Variants in FBN1 observed in about 807,000 individuals in gnomAD.
FBN1 encodes fibrillin 1.
A neutral mutation model predicts 365.1 loss-of-function variants in FBN1; 29 were observed. The ratio of observed to expected loss-of-function variants is 0.08; its 90% confidence interval spans 0.06 to 0.11. FBN1 has a LOEUF of 0.11. Ranked by LOEUF, FBN1 falls within the 10% of genes least tolerant of loss-of-function variation. The probability of loss-of-function intolerance (pLI) is 1.00; values close to 1 mark genes in which losing one functional copy is unlikely to be tolerated. For synonymous variants in FBN1, 1,210 were observed against 1,270.5 expected (o/e 0.95, Z 1.01); for missense variants, 2,476 against 3,703.2 (o/e 0.67, Z 8.60).
intron 2 of FBN1, chr15:48,644,149 A>T (rs1270334297): frequency 5.7e-6 from 1 of 175,232 alleles, no homozygotes; most frequent in African/African-American, 2.4e-5. Context: ...GGAAGAGTCA[A>T]CTACTGTGTG....
At chr15:48,474,183 C>T (rs2043400322) in intron 34 of FBN1, 72 bp downstream of exon 34, 4 of 1,606,048 alleles carry the variant, frequency 2.5e-6, no homozygotes, top group Non-Finnish European at 3.4e-6. Flanking sequence ...AAAAGAATTG[C>T]TAGCCTGAGA....
chr15:48,500,146 G>T (rs1234059556), intron 17 of FBN1, among the ~76,000 whole-genome samples: 1 of 152,166 alleles, frequency 6.6e-6, no homozygotes, highest in African/African-American at 2.4e-5. Context: ...AGCCAGGTGT[G>T]GGAACAAAAA....
intron 6 of FBN1, among the ~76,000 whole-genome samples, chr15:48,539,607 A>T (rs572700190): frequency 1.3e-5 from 2 of 152,292 alleles, no homozygotes; most frequent in Admixed American, 6.5e-5. Context: ...TCAATTTTTT[A>T]AAAATATTAA....
intron 6 of FBN1, among the ~76,000 whole-genome samples, chr15:48,583,230 T>C (rs575686014): frequency 3.3e-4 from 51 of 152,352 alleles, no homozygotes; most frequent in African/African-American, 1.2e-3. Context: ...CCTCTCTTCG[T>C]CTTAGAACAA....
At chr15:48,644,555 G>C (rs770914079) in intron 2 of FBN1, 51 bp downstream of exon 2, 10 of 1,612,110 alleles carry the variant, frequency 6.2e-6, no homozygotes, top group Non-Finnish European at 8.5e-6. Flanking sequence ...CGTTGTTCTG[G>C]ATCTTGAAAC....
At chr15:48,441,006 C>A (rs1021089027) in intron 50 of FBN1, among the ~76,000 whole-genome samples, 5 of 151,892 alleles carry the variant, frequency 3.3e-5, no homozygotes, top group Non-Finnish European at 7.4e-5. Context: ...CATCTCCCTT[C>A]CCCGGAATTC....
rs1029121565 is a variant in FBN1 at position 48,583,547 on chromosome 15, T to G, written c.538+12736A>C. On this transcript the variant is annotated intron_variant, in intron 6 of 65. Coordinates refer to ENST00000316623, the MANE Select transcript of FBN1 (RefSeq NM_000138.5). The stretch of plus-strand genomic sequence containing the variant: ...TCAGTTTATTTTACTGATGGGTAAG[T>G]GTCTATTACCTCTCATTGATTTTAG... 1.5e-4 allele frequency among the ~76,000 whole-genome samples: 23 copies of G among 152,332 alleles called. 2 individuals are homozygous for G. The highest frequency in any genetic ancestry group is 5.9e-4 in the Admixed American group (9 of 15,302).
In FBN1 at chr15:48,515,421, T is replaced by G; in HGVS notation, c.1434A>C (p.Lys478Asn). 1 of 1,613,978 alleles carries G rather than the reference T, an allele frequency of 6.2e-7. No individual in the cohort carries two copies. The highest frequency in any genetic ancestry group is 8.5e-7 in the Non-Finnish European group (1 of 1,179,908). ...CCCCACGGAGGTCCAGCTGGAACCCTTTGTTGCACTCACACCGGTAACTCC... is the reference window on the plus strand; with the variant it reads ...CCCCACGGAGGTCCAGCTGGAACCCGTTGTTGCACTCACACCGGTAACTCC... ...TPGSYRCECN[K>N]GFQLDLRGEC... The change falls in exon 12 of 66, where the codon AAA becomes AAC. Residue 478 changes from lysine to asparagine, a missense_variant. By Grantham distance (94) the Lys-to-Asn change is moderately conservative. Around this residue, in one of 5 missense-constraint regions of FBN1, gnomAD observed 421 missense variants for 520.1 expected, o/e 0.81. Transcript: ENST00000316623.
intron 2 of FBN1, among the ~76,000 whole-genome samples, chr15:48,614,506 T>C (rs1889612498): frequency 6.6e-6 from 1 of 152,154 alleles, no homozygotes; most frequent in Non-Finnish European, 1.5e-5. Flanking sequence ...CCTTTACCCC[T>C]TTTGTTGCTC....
intron 8 of FBN1, among the ~76,000 whole-genome samples, chr15:48,526,466 GATTA>G (rs2043916184): frequency 6.6e-6 from 1 of 152,172 alleles, no homozygotes; most frequent in Non-Finnish European, 1.5e-5. Context: ...AAATTCAACA[GATTA>G]GGGCAAAATG....
intron 6 of FBN1, among the ~76,000 whole-genome samples, chr15:48,593,618 G>A (rs1287337277): frequency 3.3e-5 from 5 of 152,074 alleles, no homozygotes; most frequent in African/African-American, 7.2e-5. Flanking sequence ...GTTCATATCC[G>A]ATCATTATAT....
intron 4 of FBN1, among the ~76,000 whole-genome samples, chr15:48,605,101 G>A (rs2044596474): frequency 6.6e-6 from 1 of 152,124 alleles, no homozygotes; most frequent in African/African-American, 2.4e-5. Flanking sequence ...TGATATACAG[G>A]TTTGATGCAA....
intron 50 of FBN1, among the ~76,000 whole-genome samples, chr15:48,440,340 G>A (rs925224383): frequency 3.9e-5 from 6 of 152,198 alleles, no homozygotes; most frequent in Non-Finnish European, 2.9e-5. Flanking sequence ...AGCTTGCTCT[G>A]TGATGGGCCA....
At position 48,520,674 on chromosome 15, in the gene FBN1, G is replaced by A. The variant is rs747656840; in HGVS notation, c.1132C>T (p.Pro378Ser). 6.2e-7 allele frequency: 1 copy of A among 1,614,116 alleles called. No individual in the cohort carries two copies. ...GGGCTCTTACCGGTTGCTCTGATGGGACACATCTCAGGGGCGACAGTGACC... is the reference window on the plus strand; with the variant it reads ...GGGCTCTTACCGGTTGCTCTGATGGAACACATCTCAGGGGCGACAGTGACC... The part of the protein sequence containing the change: ...PGVTVAPEMC[P>S]IRATEDFNKL... Residue 378 changes from proline (P) to serine (S), a missense_variant, in exon 10 of 66, where the codon CCC (proline) becomes TCC (serine). Coordinates refer to ENST00000316623, the MANE Select transcript of FBN1 (RefSeq NM_000138.5).
intron 6 of FBN1, among the ~76,000 whole-genome samples, chr15:48,584,871 A>G (rs1323452289): frequency 6.6e-6 from 1 of 152,234 alleles, no homozygotes; most frequent in Non-Finnish European, 1.5e-5. Context: ...TTCTGCTTTT[A>G]TCTTCTCCAT....
At chr15:48,475,267 A>G (rs943128585) in intron 32 of FBN1, among the ~76,000 whole-genome samples, 1 of 152,174 alleles carries the variant, frequency 6.6e-6, no homozygotes, top group Non-Finnish European at 1.5e-5. Flanking sequence ...TTAGAGTCCT[A>G]GCACATTGGA....
chr15:48,630,955 T>C (rs1889977521), intron 2 of FBN1, among the ~76,000 whole-genome samples: 1 of 152,186 alleles, frequency 6.6e-6, no homozygotes. Context: ...CTCTTATTTT[T>C]ATAGGCTGTG....
chr15:48,423,923 C>G (rs1216584595), intron 60 of FBN1, among the ~76,000 whole-genome samples: 1 of 152,152 alleles, frequency 6.6e-6, no homozygotes, highest in Non-Finnish European at 1.5e-5. Context: ...TTTATTGATG[C>G]ATTTTCATTT....
At chr15:48,599,657 G>A (rs2044546596) in intron 5 of FBN1, among the ~76,000 whole-genome samples, 2 of 152,156 alleles carry the variant, frequency 1.3e-5, no homozygotes, top group Non-Finnish European at 2.9e-5. Context: ...AACACCATGT[G>A]ATAAGTACTT....
Sources: allele counts gnomAD v4.1 joint callset (sites outside exome capture counted in the v4.1 genomes callset), GRCh38; gene constraint gnomAD v4.1.1; regional missense constraint gnomAD v4.1.1; transcripts MANE v1.5; gene names NCBI Gene and HGNC (gene_info 2026-07-23, HGNC 2026-07-21).